Variants in CTNNAL1 observed in about 807,000 individuals in gnomAD.
The protein encoded by CTNNAL1 is catenin alpha like 1.
In CTNNAL1, 69 loss-of-function variants were observed where a neutral mutation model predicts 93.6. The ratio of observed to expected loss-of-function variants is 0.74; its 90% CI spans 0.61 to 0.90. CTNNAL1 has a LOEUF of 0.90. CTNNAL1 is among the 40% of genes least tolerant of loss of function. CTNNAL1 has a pLI of 0.00. For missense variants in CTNNAL1, 836 were observed against 862.0 expected (o/e 0.97, Z 0.38); for synonymous variants, 286 against 305.4 (o/e 0.94, Z 0.66).
intron 6 of CTNNAL1, among the ~76,000 whole-genome samples, chr9:108,980,479 G>A (rs570164515): frequency 5.9e-5 from 9 of 152,266 alleles, no homozygotes; most frequent in African/African-American, 9.6e-5. Context: ...TTTCACAAAT[G>A]TTATTTTAAT....
chr9:108,975,893 T>C (rs994506162), intron 8 of CTNNAL1, among the ~76,000 whole-genome samples: 2 of 152,188 alleles, frequency 1.3e-5, no homozygotes, highest in African/African-American at 2.4e-5. Flanking sequence ...AAAGTGACCA[T>C]AGGACTTTCA....
intron 2 of CTNNAL1, among the ~76,000 whole-genome samples, chr9:108,996,741 G>A (rs545457216): frequency 6.6e-6 from 1 of 151,610 alleles, no homozygotes; most frequent in South Asian, 2.1e-4. Context: ...TAACCACAAA[G>A]CTTTCTTGCA....
intron 2 of CTNNAL1, among the ~76,000 whole-genome samples, chr9:108,995,858 T>A (rs1365130506): frequency 6.6e-6 from 1 of 152,132 alleles, no homozygotes; most frequent in East Asian, 1.9e-4. Flanking sequence ...ATTTTATAGA[T>A]GAGAACACTG....
At chr9:108,975,089 T>C (rs1263955170) in intron 8 of CTNNAL1, among the ~76,000 whole-genome samples, 3 of 151,994 alleles carry the variant, frequency 2.0e-5, no homozygotes, top group Non-Finnish European at 4.4e-5. Context: ...CTTGAACCCC[T>C]GAGGTAGAGG....
chr9:109,000,319 C>T (rs1826754477), intron 1 of CTNNAL1, among the ~76,000 whole-genome samples: 1 of 152,118 alleles, frequency 6.6e-6, no homozygotes, highest in African/African-American at 2.4e-5. Flanking sequence ...ATTAGGTTTA[C>T]AGTATGGTAG....
intron 15 of CTNNAL1, among the ~76,000 whole-genome samples, chr9:108,945,907 T>C (rs1564119022): frequency 6.6e-6 from 1 of 152,152 alleles, no homozygotes; most frequent in Non-Finnish European, 1.5e-5. Flanking sequence ...AAATGCTCGA[T>C]TTCCACCCTC....
chr9:108,993,357 C>T (rs952632111), intron 2 of CTNNAL1, among the ~76,000 whole-genome samples: 1 of 152,086 alleles, frequency 6.6e-6, no homozygotes, highest in Non-Finnish European at 1.5e-5. Context: ...TAATGGGGGC[C>T]CGGAAAGAAC....
chr9:109,003,570 G>GC (rs1194926499), intron 1 of CTNNAL1, among the ~76,000 whole-genome samples: 1 of 152,152 alleles, frequency 6.6e-6, no homozygotes, highest in East Asian at 1.9e-4. Flanking sequence ...GGCAACATTT[G>GC]CCCAGGAGGA....
At chr9:108,988,072 A>C (rs1022196657) in intron 4 of CTNNAL1, among the ~76,000 whole-genome samples, 6 of 152,166 alleles carry the variant, frequency 3.9e-5, no homozygotes, top group African/African-American at 1.4e-4. Flanking sequence ...TATGTTGAAT[A>C]GGAGTCACCA....
intron 11 of CTNNAL1, among the ~76,000 whole-genome samples, chr9:108,960,905 T>G (rs1033625794): frequency 6.6e-6 from 1 of 152,108 alleles, no homozygotes; most frequent in Non-Finnish European, 1.5e-5. Context: ...AAGTATTGAT[T>G]TTTACCTTCT....
intron 8 of CTNNAL1, 31 bp from the exon 9 acceptor site, chr9:108,972,864 G>GGGGCGCCCCC: frequency 2.1e-5 from 3 of 142,564 alleles, no homozygotes; most frequent in Non-Finnish European, 3.0e-5. Flanking sequence ...GGGGGGGTGG[G>GGGGCGCCCCC]AGGGTGGAGA....
intron 2 of CTNNAL1, among the ~76,000 whole-genome samples, chr9:108,994,389 T>A (rs1188811696): frequency 6.6e-6 from 1 of 151,920 alleles, no homozygotes; most frequent in East Asian, 1.9e-4. Flanking sequence ...TTGGGAAACA[T>A]TAAGAAAACA....
In CTNNAL1 at chr9:108,983,488, C is replaced by T. The variant is rs562861919; in HGVS notation, c.730-173G>A. ...AAGTGGAAGCAGGATGAGTAAAAAG[C>T]GATAGCAAGGTTAAATAAAAAATGC... is the stretch of plus-strand genomic sequence containing the variant. On this transcript the variant is annotated intron_variant, in intron 5 of 18. Transcript: ENST00000325551. 2.2e-4 allele frequency among the ~76,000 whole-genome samples: 33 copies of T among 152,108 alleles called. No individual in the cohort carries two copies. In the East Asian group the frequency reaches 5.8e-3, roughly 27 times the overall value.
At chr9:108,949,838 C>T (rs139924035) in intron 14 of CTNNAL1, among the ~76,000 whole-genome samples, 106 of 151,422 alleles carry the variant, frequency 7.0e-4, no homozygotes, top group Non-Finnish European at 1.1e-3. Flanking sequence ...AGCAAGACTC[C>T]GTCTCAAAAA....
At position 108,945,788 on chromosome 9, in the gene CTNNAL1, T is replaced by C. The variant is rs565856043; in HGVS notation, c.1885-1770A>G. Among the ~76,000 whole-genome samples the C allele has an allele frequency of 3.3e-5, 5 of 152,278 alleles. No homozygotes were observed. In the South Asian group the frequency reaches 1.0e-3, roughly 32 times the overall value. ...TTGTGCCCAGACTGTTTTTACTGTT[T>C]TGAATATTTTCAATCCATAGTTGGT... is the stretch of plus-strand genomic sequence containing the variant. On this transcript the variant is annotated intron_variant, in intron 15 of 18. Coordinates refer to ENST00000325551, the MANE Select transcript of CTNNAL1 (RefSeq NM_003798.4).
chr9:109,000,404 T>C (rs916415691), intron 1 of CTNNAL1, among the ~76,000 whole-genome samples: 1 of 152,102 alleles, frequency 6.6e-6, no homozygotes, highest in African/African-American at 2.4e-5. Context: ...TAGGCAAACC[T>C]GAAATAACAA....
At chr9:108,955,723 G>A in intron 12 of CTNNAL1, 67 bp downstream of exon 12, 1 of 1,358,698 alleles carries the variant, frequency 7.4e-7, no homozygotes, top group East Asian at 2.4e-5. Flanking sequence ...AGCAGCAACA[G>A]GCAACAAGAG....
Position 108,952,314 on chromosome 9 carries a change from G to C in CTNNAL1, c.1730C>G (p.Ser577Cys). The C allele has an allele frequency of 6.2e-7, 1 of 1,614,216 alleles. No homozygotes were observed. Among genetic ancestry groups the C allele is most frequent in the Non-Finnish European group, 8.5e-7 (1 of 1,180,044 alleles). ...CTTCTCAATTTCGCAGTCAGCGTCA[G>C]AGGTGAGCAAACCCAGCTTAAGTCC... The part of the protein sequence containing the change: ...KLGLKLGLLT[S>C]DADCEIEKWE... Residue 577 changes from serine to cysteine, a missense_variant, in exon 14 of 19, where the codon TCT becomes TGT. Ser to Cys is a moderately radical substitution (Grantham distance 112). Coordinates refer to ENST00000325551, the MANE Select transcript of CTNNAL1 (RefSeq NM_003798.4).
At chr9:109,010,638 G>T (rs1341214) in intron 1 of CTNNAL1, among the ~76,000 whole-genome samples, 73,545 of 151,966 alleles carry the variant, frequency 0.48, 18,081 homozygotes, top group Admixed American at 0.55. Context: ...ATCATTGTTA[G>T]GAAAATACAT....
Sources: gnomAD v4.1 joint callset for allele counts (sites outside exome capture counted in the v4.1 genomes callset) on GRCh38, gnomAD v4.1.1 for gene constraint, MANE v1.5 for transcripts, NCBI Gene and HGNC (gene_info 2026-07-23, HGNC 2026-07-21) for gene names.